WDR70: variants seen among roughly 807,000 people sequenced by gnomAD.
WDR70 encodes WD repeat domain 70.
In WDR70, 53 loss-of-function variants were observed where a neutral mutation model predicts 88.6. The ratio of observed to expected loss-of-function variants is 0.60; its 90% CI spans 0.48 to 0.75. WDR70 has a LOEUF of 0.75. Among genes scored for constraint, WDR70 ranks in the 30% least tolerant of loss-of-function variants. The probability of loss-of-function intolerance (pLI) is 0.00; values close to 1 mark genes in which losing one functional copy is unlikely to be tolerated. For synonymous variants in WDR70, 280 were observed against 270.0 expected (o/e 1.04, Z -0.36); for missense variants, 610 against 823.2 (o/e 0.74, Z 3.17).
Position 37,400,028 on chromosome 5 carries a change from GT to G in WDR70, c.492+3460del, listed in dbSNP as rs1326800434. Among the ~76,000 whole-genome samples, 6 of 152,134 alleles carry G rather than the reference GT, an allele frequency of 3.9e-5. No homozygotes were observed. In the East Asian group the frequency reaches 1.2e-3, roughly 29 times the overall value. The stretch of plus-strand genomic sequence containing the variant: ...GCTCACTGCAACCTCCGTCTCCCGG[GT>G]TCAAGTGATTCTCCTGCCTCAGCTT... On this transcript the variant is annotated intron_variant, in intron 5 of 17. Coordinates refer to ENST00000265107, the MANE Select transcript of WDR70 (RefSeq NM_018034.4).
chr5:37,535,973 C>A (rs984809208), intron 9 of WDR70, among the ~76,000 whole-genome samples: 2 of 152,138 alleles, frequency 1.3e-5, no homozygotes, highest in African/African-American at 4.8e-5. Context: ...ATGCAAATCT[C>A]TTTTATATAA....
At chr5:37,694,447 C>G (rs886456363) in intron 10 of WDR70, among the ~76,000 whole-genome samples, 7 of 152,134 alleles carry the variant, frequency 4.6e-5, no homozygotes, top group African/African-American at 1.4e-4. Flanking sequence ...TGGAACCAAT[C>G]CAAATGTCCA....
Position 37,667,846 on chromosome 5 carries a change from A to G in WDR70, c.1093-29809A>G, listed in dbSNP as rs1413193039. The stretch of plus-strand genomic sequence containing the variant: ...ATCCATGCTAGTCTGTACGATCTGA[A>G]AAAAAAAAAAAAAAAAAAAAAAAAA... On this transcript the variant is annotated intron_variant, in intron 10 of 17. Transcript: ENST00000265107. Among the ~76,000 whole-genome samples the G allele has an allele frequency of 1.8e-4, 4 of 21,794 alleles. No individual in the cohort carries two copies. The East Asian group carries it at 0.041, about 221-fold the overall frequency. 14.3% of individuals were successfully genotyped at this position (21,794 alleles called of 152,430 possible). A position where few individuals can be genotyped will look rare whatever the true frequency, so the allele number is the denominator to read the frequency against.
rs1829290 is a variant in WDR70, at chr5:37,506,072, T to A, written c.841-10442T>A. On this transcript the variant is annotated intron_variant, in intron 8 of 17. Coordinates refer to ENST00000265107, the MANE Select transcript of WDR70 (RefSeq NM_018034.4). ...CAAGCACTGATCCAGAGAGATCACC[T>A]CATTCAAGATTTGCACAGTAAAGAT... 4.3e-3 allele frequency: 5,628 copies of A among 1,298,366 alleles called. 302 individuals carry two copies. The Admixed American group carries it at 0.087, about 20-fold the overall frequency. The allele number at this position is 1,298,366 out of a possible 1,614,324, so 80.4% of individuals were successfully genotyped here.
At chr5:37,517,040 A>T (rs528256092) in intron 9 of WDR70, among the ~76,000 whole-genome samples, 1 of 152,180 alleles carries the variant, frequency 6.6e-6, no homozygotes, top group African/African-American at 2.4e-5. Context: ...CTTGTTCTTT[A>T]CTTTGATTTT....
chr5:37,458,059 C>T (rs1581299607), intron 7 of WDR70, among the ~76,000 whole-genome samples: 1 of 112,014 alleles, frequency 8.9e-6, no homozygotes, highest in East Asian at 2.5e-4. Context: ...TTGTCAAAGG[C>T]TTTTTCTGCA....
At chr5:37,385,145 T>G (rs1748568753) in intron 3 of WDR70, among the ~76,000 whole-genome samples, 1 of 152,104 alleles carries the variant, frequency 6.6e-6, no homozygotes, top group Non-Finnish European at 1.5e-5. Context: ...GGTGCAGAGC[T>G]TCTGTGCCCT....
intron 9 of WDR70, among the ~76,000 whole-genome samples, chr5:37,529,517 C>A (rs1741415385): frequency 6.6e-6 from 1 of 151,940 alleles, no homozygotes; most frequent in Non-Finnish European, 1.5e-5. Context: ...TTGTAATTTT[C>A]CTTGTAGAGG....
intron 17 of WDR70, among the ~76,000 whole-genome samples, chr5:37,738,089 GA>G (rs1748357623): frequency 1.3e-5 from 2 of 150,912 alleles, no homozygotes; most frequent in Admixed American, 1.3e-4. Flanking sequence ...CCAAAAAAAG[GA>G]ATCATTTCAA....
intron 13 of WDR70, among the ~76,000 whole-genome samples, chr5:37,716,023 C>T (rs1041687781): frequency 6.6e-6 from 1 of 152,164 alleles, no homozygotes; most frequent in African/African-American, 2.4e-5. Context: ...GTGTAACAGA[C>T]TCCTTCACGG....
At chr5:37,609,766 T>C (rs1350190620) in intron 10 of WDR70, among the ~76,000 whole-genome samples, 3 of 152,202 alleles carry the variant, frequency 2.0e-5, no homozygotes, top group Non-Finnish European at 2.9e-5. Context: ...CCAGCTCGGT[T>C]GGCTGTTCAG....
chr5:37,502,193 T>G (rs1247030450), intron 8 of WDR70, among the ~76,000 whole-genome samples: 2 of 152,196 alleles, frequency 1.3e-5, no homozygotes, highest in Non-Finnish European at 2.9e-5. Flanking sequence ...TTTTTATTTT[T>G]TGCGGCTATT....
chr5:37,479,880 CTTG>C lies in WDR70; in HGVS notation c.738_740del (p.Val247del). 1.9e-6 allele frequency: 3 copies of C among 1,614,012 alleles called. No individual in the cohort carries two copies. The highest frequency in any genetic ancestry group is 1.7e-6 in the Non-Finnish European group (2 of 1,179,996). On this transcript the variant is annotated inframe_deletion, in exon 8 of 18. Transcript: ENST00000265107. ...GTATAGTAACACAGGAGACATGATT[CTTG>C]TTGTATCTGGAAGCTCTCAGGCCAA...
At chr5:37,548,095 C>T (rs1581384300) in intron 9 of WDR70, among the ~76,000 whole-genome samples, 1 of 152,148 alleles carries the variant, frequency 6.6e-6, no homozygotes, top group East Asian at 1.9e-4. Flanking sequence ...GTGAACAGAG[C>T]TGCAACAAAC....
intron 10 of WDR70, among the ~76,000 whole-genome samples, chr5:37,632,679 T>C (rs1744849893): frequency 6.6e-6 from 1 of 152,226 alleles, no homozygotes; most frequent in African/African-American, 2.4e-5. Flanking sequence ...TTATAAAAGT[T>C]TTAAAAAATT....
chr5:37,553,566 G>A lies in WDR70; in HGVS notation c.917+36976G>A, dbSNP rs539628470. ...TTTTGTTTCAGGTGTGTATGTGTCT[G>A]TGCGTGCGCATGTGTGCTTGTGCAT... On this transcript the variant is annotated intron_variant, in intron 9 of 17. Transcript: ENST00000265107. Among the ~76,000 whole-genome samples, 64 of 152,308 alleles carry A rather than the reference G, an allele frequency of 4.2e-4. 1 individual carries two copies. Among genetic ancestry groups the A allele is most frequent in the Admixed American group, 7.8e-4 (12 of 15,294 alleles).
intron 8 of WDR70, chr5:37,505,700 T>C (rs1740538616): frequency 1.0e-6 from 1 of 967,656 alleles, no homozygotes; most frequent in Admixed American, 1.7e-5. Context: ...ATCTGACATT[T>C]TGCGACATGT....
At chr5:37,414,790 T>A (rs1178685103) in intron 5 of WDR70, among the ~76,000 whole-genome samples, 3 of 151,994 alleles carry the variant, frequency 2.0e-5, no homozygotes, top group East Asian at 1.9e-4. Context: ...TATTCTTTTT[T>A]TTTTTATTTT....
chr5:37,620,092 A>G (rs1246525940), intron 10 of WDR70: 1 of 151,994 alleles, frequency 6.6e-6, no homozygotes, highest in Non-Finnish European at 1.5e-5. Context: ...TGAACACAAT[A>G]TTTACCAGTC....
Sources: allele counts gnomAD v4.1 joint callset (sites outside exome capture counted in the v4.1 genomes callset), GRCh38; gene constraint gnomAD v4.1.1; transcripts MANE v1.5; gene names NCBI Gene and HGNC (gene_info 2026-07-23, HGNC 2026-07-21).